MCPH1: variants seen among roughly 807,000 people sequenced by gnomAD.
MCPH1 encodes the protein microcephalin.
In MCPH1, 104 loss-of-function variants were observed where a neutral mutation model predicts 84.5. The observed-to-expected ratio is 1.23, with a 90% CI of 1.05 to 1.45. The LOEUF (loss-of-function observed/expected upper bound fraction) is 1.45. MCPH1 is among the 40% of genes most tolerant of loss of function. The pLI is 0.00. For synonymous variants in MCPH1, 514 were observed against 366.8 expected, an observed-to-expected ratio of 1.40 and a Z score of -4.58; for missense variants, 1,498 against 1,005.7, an observed-to-expected ratio of 1.49 and a Z score of -6.62.
In MCPH1 at chr8:6,414,836, A is replaced by T; in HGVS notation, c.186A>T (p.Lys62Asn). Residue 62 changes from lysine (K) to asparagine (N), a missense_variant, in exon 3 of 14, where the codon AAA becomes AAT. Physicochemically the swap from Lys to Asn is moderately conservative, Grantham distance 94. Coordinates refer to ENST00000344683, the MANE Select transcript of MCPH1 (RefSeq NM_024596.5). The stretch of plus-strand genomic sequence containing the variant: ...ATGGCTACCAGAGCACTTGGGACAA[A>T]GCTCAGAAGAGAGGCGTAAAGCTCG... The part of the protein sequence containing the change: ...FKDGYQSTWD[K>N]AQKRGVKLVS... The T allele has an allele frequency of 1.2e-6, 2 of 1,613,844 alleles. No homozygotes were observed. The highest frequency in any genetic ancestry group is 1.7e-6 in the Non-Finnish European group (2 of 1,179,868).
chr8:6,628,657 G>A (rs936050109), intron 13 of MCPH1, among the ~76,000 whole-genome samples: 20 of 152,138 alleles, frequency 1.3e-4, no homozygotes, highest in Non-Finnish European at 2.4e-4. Context: ...CAAGCATTTT[G>A]GTTGTGGCAG....
chr8:6,612,009 G>A (rs1830322987), intron 12 of MCPH1, among the ~76,000 whole-genome samples: 1 of 152,166 alleles, frequency 6.6e-6, no homozygotes, highest in Admixed American at 6.5e-5. Context: ...CGGGGGTGGG[G>A]CTGAAAGTTT....
intron 3 of MCPH1, among the ~76,000 whole-genome samples, chr8:6,416,982 G>A (rs1266929292): frequency 2.7e-5 from 4 of 149,424 alleles, no homozygotes; most frequent in South Asian, 2.1e-4. Context: ...CGACAAGAGC[G>A]GGGAAAAAAA....
chr8:6,426,731 A>ATGCT (rs1387376929), intron 3 of MCPH1, among the ~76,000 whole-genome samples: 10 of 152,296 alleles, frequency 6.6e-5, no homozygotes, highest in Middle Eastern at 3.4e-3. Flanking sequence ...TCCCACCAGC[A>ATGCT]GTGTTCCTTT....
chr8:6,573,265 T>A (rs1461889733), intron 12 of MCPH1, among the ~76,000 whole-genome samples: 2 of 151,366 alleles, frequency 1.3e-5, no homozygotes, highest in Non-Finnish European at 2.9e-5. Flanking sequence ...TTAGAGGAGG[T>A]GTGAGTAGAG....
In MCPH1 at chr8:6,521,415, T is replaced by C. The variant is rs1186196874; in HGVS notation, c.2214+21486T>C. ...AGCACCTTCTTTTCTAGGAAACTTG[T>C]AAGGAAAAGAATTGTTAGTTAGTGA... On this transcript the variant is annotated intron_variant, in intron 12 of 13. Transcript: ENST00000344683. The C allele has an allele frequency of 7.5e-6, 12 of 1,596,428 alleles. No homozygotes were observed. In the East Asian group the frequency reaches 2.7e-4, roughly 36 times the overall value.
At chr8:6,562,722 G>T (rs764203431) in intron 12 of MCPH1, 28 of 1,613,318 alleles carry the variant, frequency 1.7e-5, no homozygotes, top group Admixed American at 1.0e-4. Context: ...CATCGTATTC[G>T]AGCGGCGCGT....
intron 12 of MCPH1, among the ~76,000 whole-genome samples, chr8:6,525,929 G>A (rs17077327): frequency 1.3e-5 from 2 of 152,226 alleles, no homozygotes; most frequent in Admixed American, 6.5e-5. Flanking sequence ...GGTAGTTTTA[G>A]CATTGTAGCA....
intron 12 of MCPH1, among the ~76,000 whole-genome samples, chr8:6,547,344 C>G: frequency 6.6e-6 from 1 of 151,884 alleles, no homozygotes; most frequent in Non-Finnish European, 1.5e-5. Flanking sequence ...TCTGGAGGTC[C>G]GCCCCCTCTC....
At chr8:6,463,621 C>G (rs1806522174) in intron 9 of MCPH1, among the ~76,000 whole-genome samples, 1 of 152,120 alleles carries the variant, frequency 6.6e-6, no homozygotes, top group Non-Finnish European at 1.5e-5. Flanking sequence ...GTGGGAAAGG[C>G]CTAGCCCAGA....
intron 12 of MCPH1, among the ~76,000 whole-genome samples, chr8:6,550,295 G>T (rs1046689540): frequency 6.6e-6 from 1 of 152,202 alleles, no homozygotes; most frequent in African/African-American, 2.4e-5. Flanking sequence ...AATCCCCGGG[G>T]CATCTGCCTC....
chr8:6,615,120 A>C (rs1830672469), intron 12 of MCPH1, among the ~76,000 whole-genome samples: 2 of 152,110 alleles, frequency 1.3e-5, no homozygotes, highest in East Asian at 3.9e-4. Context: ...TCTTGCAATT[A>C]TTGCCTGCCG....
intron 12 of MCPH1, among the ~76,000 whole-genome samples, chr8:6,512,714 C>A (rs1464264892): frequency 6.6e-6 from 1 of 152,176 alleles, no homozygotes. Context: ...CATTGCTGTT[C>A]TCTCTCTCTA....
chr8:6,542,453 T>G (rs1033413957), intron 12 of MCPH1, among the ~76,000 whole-genome samples: 3 of 152,134 alleles, frequency 2.0e-5, no homozygotes, highest in African/African-American at 7.2e-5. Context: ...CTTTAGACCC[T>G]GTAATATTGT....
intron 12 of MCPH1, among the ~76,000 whole-genome samples, chr8:6,543,380 A>G (rs1821955872): frequency 6.6e-6 from 1 of 152,014 alleles, no homozygotes; most frequent in Non-Finnish European, 1.5e-5. Context: ...CTGCCTGGAC[A>G]CCCTTCTCTC....
chr8:6,493,598 C>T (rs1404017777), intron 11 of MCPH1, among the ~76,000 whole-genome samples: 3 of 152,158 alleles, frequency 2.0e-5, no homozygotes, highest in African/African-American at 4.8e-5. Context: ...CAAAACCTTA[C>T]TAATGTGTGG....
At chr8:6,638,621 G>A (rs1040427968) in intron 13 of MCPH1, among the ~76,000 whole-genome samples, 21 of 151,184 alleles carry the variant, frequency 1.4e-4, no homozygotes, top group Non-Finnish European at 2.7e-4. Flanking sequence ...AAATTTCACG[G>A]AGCTGCTCAA....
At chr8:6,601,490 A>G (rs996517103) in intron 12 of MCPH1, among the ~76,000 whole-genome samples, 5 of 150,396 alleles carry the variant, frequency 3.3e-5, no homozygotes, top group African/African-American at 9.8e-5. Context: ...CCCTCCCGCC[A>G]TGACACCCCC....
At chr8:6,584,005 C>A (rs890753767) in intron 12 of MCPH1, among the ~76,000 whole-genome samples, 1 of 152,062 alleles carries the variant, frequency 6.6e-6, no homozygotes, top group Non-Finnish European at 1.5e-5. Flanking sequence ...GAAACTCCCA[C>A]CAGTCTGACG....
Sources: allele counts gnomAD v4.1 joint callset (sites outside exome capture counted in the v4.1 genomes callset), GRCh38; gene constraint gnomAD v4.1.1; transcripts MANE v1.5; gene names NCBI Gene and HGNC (gene_info 2026-07-23, HGNC 2026-07-21).